The following NDC80 variants were observed in gnomAD, a reference collection of about 807,000 sequenced individuals.
The protein encoded by NDC80 is NDC80 kinetochore complex component.
NDC80 carries 69 observed loss-of-function variants against 89.3 expected under a neutral mutation model. That is an observed-to-expected ratio of 0.77 (90% CI 0.64 to 0.94). The LOEUF (loss-of-function observed/expected upper bound fraction) is 0.94, where lower values mean the gene tolerates loss of function less well. Among genes scored for constraint, NDC80 ranks in the 40% least tolerant of loss-of-function variants. The pLI, the probability that NDC80 is intolerant of heterozygous loss-of-function variation, is 0.00. For missense variants in NDC80, 593 were observed against 739.6 expected (o/e 0.80, Z 2.30); for synonymous variants, 243 against 255.6 (o/e 0.95, Z 0.47).
intron 11 of NDC80, among the ~76,000 whole-genome samples, chr18:2,597,608 G>A (rs1451735065): frequency 3.3e-5 from 5 of 152,112 alleles, no homozygotes; most frequent in Non-Finnish European, 5.9e-5. Context: ...GCACCTGCCT[G>A]TAATCGCAGC....
chr18:2,606,610 A>G (rs765116193), intron 14 of NDC80, 103 bp downstream of exon 14: 2 of 577,612 alleles, frequency 3.5e-6, no homozygotes, highest in Non-Finnish European at 5.7e-6. Flanking sequence ...TAAGCTATAT[A>G]TATCCTATAA....
At chr18:2,605,125 T>C (rs2072703396) in intron 13 of NDC80, among the ~76,000 whole-genome samples, 1 of 152,098 alleles carries the variant, frequency 6.6e-6, no homozygotes, top group Non-Finnish European at 1.5e-5. Flanking sequence ...CAGATGGGTA[T>C]GTGGTGATGT....
At chr18:2,591,859 A>T (rs1293954181) in intron 10 of NDC80, among the ~76,000 whole-genome samples, 1 of 151,514 alleles carries the variant, frequency 6.6e-6, no homozygotes, top group Non-Finnish European at 1.5e-5. Flanking sequence ...GGTTCAAATA[A>T]TTCTTCTGCC....
At chr18:2,577,071 A>G (rs2072550285) in intron 3 of NDC80, among the ~76,000 whole-genome samples, 1 of 152,120 alleles carries the variant, frequency 6.6e-6, no homozygotes, top group Non-Finnish European at 1.5e-5. Context: ...TCAGAGCTAA[A>G]CTTTAGAGAT....
Position 2,587,862 on chromosome 18 carries a change from G to C in NDC80, c.702G>C (p.Glu234Asp). ...LFLDYTIKCY[E>D]SFMSGADSFD... ...TGGACTACACCATAAAATGCTATGA[G>C]AGTTTTATGAGTGGTGCCGACAGCT... is the stretch of plus-strand genomic sequence containing the variant. The change falls in exon 8 of 17, where the codon GAG (glutamate) becomes GAC (aspartate). Residue 234 changes from glutamate to aspartate, a missense_variant. Transcript: ENST00000261597. 1 of 1,613,750 alleles carries C rather than the reference G, an allele frequency of 6.2e-7. No individual in the cohort carries two copies. The highest frequency in any genetic ancestry group is 8.5e-7 in the Non-Finnish European group (1 of 1,179,714).
intron 14 of NDC80, among the ~76,000 whole-genome samples, chr18:2,607,485 A>G (rs1343029645): frequency 6.6e-6 from 1 of 152,146 alleles, no homozygotes; most frequent in Non-Finnish European, 1.5e-5. Flanking sequence ...ATACTGCTGA[A>G]TGAATCCTAT....
chr18:2,597,614 G>C (rs9963229), intron 11 of NDC80, among the ~76,000 whole-genome samples: 117,852 of 151,972 alleles, frequency 0.78, 45,885 homozygotes, highest in East Asian at 0.95. Context: ...GCCTGTAATC[G>C]CAGCTACTTG....
intron 8 of NDC80, among the ~76,000 whole-genome samples, chr18:2,588,404 A>G (rs919681972): frequency 5.3e-5 from 8 of 152,164 alleles, no homozygotes; most frequent in African/African-American, 1.9e-4. Context: ...CAAATATGTA[A>G]GGAAAATCTT....
intron 1 of NDC80, among the ~76,000 whole-genome samples, chr18:2,572,109 C>T (rs1320936724): frequency 6.6e-6 from 1 of 152,120 alleles, no homozygotes; most frequent in Non-Finnish European, 1.5e-5. Flanking sequence ...AACGTGGACA[C>T]ACAGGTGTGA....
intron 15 of NDC80, among the ~76,000 whole-genome samples, chr18:2,610,504 A>G (rs1193406641): frequency 6.6e-6 from 1 of 152,082 alleles, no homozygotes; most frequent in African/African-American, 2.4e-5. Flanking sequence ...CTCAGTTACA[A>G]CCCTTCGCTC....
intron 6 of NDC80, among the ~76,000 whole-genome samples, chr18:2,583,249 A>G (rs1470430107): frequency 6.6e-6 from 1 of 152,174 alleles, no homozygotes; most frequent in Non-Finnish European, 1.5e-5. Flanking sequence ...GGGGATCTGT[A>G]TGTCCCTGTG....
intron 13 of NDC80, among the ~76,000 whole-genome samples, chr18:2,602,377 C>A: frequency 6.6e-6 from 1 of 152,024 alleles, no homozygotes; most frequent in South Asian, 2.1e-4. Flanking sequence ...AAATTTGTAA[C>A]ATTAGATAAG....
intron 3 of NDC80, among the ~76,000 whole-genome samples, chr18:2,575,704 C>A (rs536228245): frequency 2.6e-5 from 4 of 151,934 alleles, no homozygotes; most frequent in Admixed American, 6.5e-5. Context: ...GCGGGCAGAT[C>A]ACTTGAGTCC....
At chr18:2,578,235 A>T (rs2072557881) in intron 5 of NDC80, 94 bp downstream of exon 5, 2 of 1,271,220 alleles carry the variant, frequency 1.6e-6, no homozygotes, top group Non-Finnish European at 2.2e-6. Flanking sequence ...TACAGAAATA[A>T]TATGTTTTAA....
In NDC80 at chr18:2,599,074, C is replaced by A; in HGVS notation, c.1277C>A (p.Pro426His). 1 of 1,611,604 alleles carries A rather than the reference C, an allele frequency of 6.2e-7. No homozygotes were observed. The highest frequency in any genetic ancestry group is 8.5e-7 in the Non-Finnish European group (1 of 1,178,850). Reference protein sequence around the residue: ...HKLARKLKLIPKGAENSKGYD... With the variant: ...HKLARKLKLIHKGAENSKGYD... ...TTGGCTAGAAAATTAAAACTTATTC[C>A]TAAAGGTGCTGAGAATTCCAAAGGT... Residue 426 changes from proline to histidine, a missense_variant, in exon 12 of 17, where the codon CCT becomes CAT. Coordinates refer to ENST00000261597, the MANE Select transcript of NDC80 (RefSeq NM_006101.3).
intron 16 of NDC80, among the ~76,000 whole-genome samples, chr18:2,615,545 T>G (rs1462894497): frequency 1.3e-5 from 2 of 152,228 alleles, no homozygotes; most frequent in Non-Finnish European, 2.9e-5. Flanking sequence ...TAATCTCCTT[T>G]TCTCAAGATC....
chr18:2,585,208 A>G lies in NDC80; in HGVS notation c.669+6A>G. 6.3e-7 allele frequency: 1 copy of G among 1,589,300 alleles called. No homozygotes were observed. The highest frequency in any genetic ancestry group is 2.2e-5 in the East Asian group (1 of 44,664). The stretch of plus-strand genomic sequence containing the variant: ...ATGGAATTATGCATAATAAGGTACC[A>G]TGTATTATCATAAACTGTAATAATG... On this transcript the variant is annotated splice_donor_region_variant and intron_variant, in intron 7 of 16. Transcript: ENST00000261597.
chr18:2,597,635 G>T (rs896685763), intron 11 of NDC80, among the ~76,000 whole-genome samples: 8 of 152,094 alleles, frequency 5.3e-5, no homozygotes, highest in Non-Finnish European at 1.0e-4. Context: ...GGAGGCTGAG[G>T]CAGGAGAATC....
intron 6 of NDC80, among the ~76,000 whole-genome samples, chr18:2,583,440 C>T (rs2072588324): frequency 6.6e-6 from 1 of 152,184 alleles, no homozygotes; most frequent in African/African-American, 2.4e-5. Flanking sequence ...GTAGCTCATG[C>T]CTGTAATCCC....
Sources: gnomAD v4.1 joint callset for allele counts (sites outside exome capture counted in the v4.1 genomes callset) on GRCh38, gnomAD v4.1.1 for gene constraint, MANE v1.5 for transcripts, NCBI Gene and HGNC (gene_info 2026-07-23, HGNC 2026-07-21) for gene names.